Variants in SPAG16 observed in about 807,000 individuals in gnomAD.
SPAG16 encodes the protein sperm associated antigen 16, also known as sperm-associated antigen 16 protein.
In SPAG16, 86 loss-of-function variants were observed where a neutral mutation model predicts 80.4. The ratio of observed to expected loss-of-function variants is 1.07; its 90% CI spans 0.90 to 1.28. The LOEUF is 1.28. SPAG16 is among the 50% of genes most tolerant of loss of function. The pLI is 0.00. For synonymous variants in SPAG16, 294 were observed against 265.9 expected (o/e 1.11, Z -1.03); for missense variants, 870 against 765.3 (o/e 1.14, Z -1.61).
At chr2:213,668,224 C>A (rs1414718632) in intron 10 of SPAG16, among the ~76,000 whole-genome samples, 11 of 151,762 alleles carry the variant, frequency 7.2e-5, no homozygotes, top group Admixed American at 7.2e-4. Context: ...CAGGCATGAG[C>A]TATCATGCCT....
chr2:213,449,996 CTT>C (rs1559144718), intron 9 of SPAG16, among the ~76,000 whole-genome samples: 1 of 152,044 alleles, frequency 6.6e-6, no homozygotes, highest in African/African-American at 2.4e-5. Flanking sequence ...CATACTTAGT[CTT>C]TTTATGATTA....
intron 9 of SPAG16, among the ~76,000 whole-genome samples, chr2:213,460,944 C>A (rs2072323394): frequency 6.6e-6 from 1 of 152,086 alleles, no homozygotes; most frequent in Non-Finnish European, 1.5e-5. Context: ...CATGAATATA[C>A]ATATTTATAC....
At position 214,250,608 on chromosome 2, in the gene SPAG16, T is replaced by C. The variant is rs952161423; in HGVS notation, c.1720+101342T>C. 3.4e-5 allele frequency among the ~76,000 whole-genome samples: 5 copies of C among 147,556 alleles called. No individual in the cohort carries two copies. The East Asian group carries it at 9.8e-4, about 29-fold the overall frequency. On this transcript the variant is annotated intron_variant, in intron 15 of 15. Coordinates refer to ENST00000331683, the MANE Select transcript of SPAG16 (RefSeq NM_024532.5). ...TTTAAATTTGCAATATAAAGTAAAA[T>C]TAAAGCTCCTTTAGAAAAATATATA... is the stretch of plus-strand genomic sequence containing the variant.
chr2:214,290,550 T>C (rs772113773), intron 15 of SPAG16, among the ~76,000 whole-genome samples: 9 of 152,164 alleles, frequency 5.9e-5, no homozygotes, highest in South Asian at 2.1e-4. Context: ...TTTTGCTGTC[T>C]CCCACAAGTT....
chr2:213,961,407 TC>T (rs747994363), intron 12 of SPAG16, among the ~76,000 whole-genome samples: 5 of 152,182 alleles, frequency 3.3e-5, no homozygotes, highest in Non-Finnish European at 5.9e-5. Context: ...TTGATCGTTT[TC>T]CCCAGCTAAA....
chr2:213,574,670 T>TATATATGATATATGATATATATATGATAG (rs2060054995), intron 10 of SPAG16, among the ~76,000 whole-genome samples: 1 of 148,304 alleles, frequency 6.7e-6, no homozygotes, highest in African/African-American at 2.5e-5. Flanking sequence ...ATATATGATA[T>TATATATGATATATGATATATATATGATAG]ATATATGATA....
At chr2:214,053,596 T>C (rs2049776151) in intron 13 of SPAG16, among the ~76,000 whole-genome samples, 1 of 152,148 alleles carries the variant, frequency 6.6e-6, no homozygotes, top group South Asian at 2.1e-4. Flanking sequence ...AATTCATACC[T>C]AGAAAAATGG....
intron 11 of SPAG16, among the ~76,000 whole-genome samples, chr2:213,870,831 T>C (rs2075916513): frequency 6.6e-6 from 1 of 152,136 alleles, no homozygotes; most frequent in South Asian, 2.1e-4. Flanking sequence ...AAATAATTTT[T>C]AAAAAACCCA....
At chr2:213,479,563 C>T (rs552440071) in intron 9 of SPAG16, among the ~76,000 whole-genome samples, 4 of 152,014 alleles carry the variant, frequency 2.6e-5, no homozygotes, top group African/African-American at 9.6e-5. Flanking sequence ...TCAACGAAAA[C>T]CCCAAATATA....
At chr2:214,256,785 A>G (rs1002744225) in intron 15 of SPAG16, among the ~76,000 whole-genome samples, 3 of 151,742 alleles carry the variant, frequency 2.0e-5, no homozygotes, top group African/African-American at 7.3e-5. Context: ...TCTATTGTCA[A>G]TTTTTATGCC....
At chr2:214,277,908 C>T (rs546572719) in intron 15 of SPAG16, among the ~76,000 whole-genome samples, 1 of 152,296 alleles carries the variant, frequency 6.6e-6, no homozygotes, top group East Asian at 1.9e-4. Context: ...ATGCCCTGCC[C>T]CTAGAGGTGG....
chr2:214,085,184 G>C (rs531096690), intron 13 of SPAG16, among the ~76,000 whole-genome samples: 1 of 152,220 alleles, frequency 6.6e-6, no homozygotes, highest in East Asian at 1.9e-4. Flanking sequence ...AAAAGCAAAA[G>C]AAAGTAGGAC....
intron 8 of SPAG16, among the ~76,000 whole-genome samples, chr2:213,373,003 T>C (rs2066716907): frequency 6.6e-6 from 1 of 152,118 alleles, no homozygotes; most frequent in Non-Finnish European, 1.5e-5. Context: ...AATGAAAGTG[T>C]GTTTGTTTAT....
chr2:213,457,002 G>A (rs1404134513), intron 9 of SPAG16, among the ~76,000 whole-genome samples: 1 of 149,428 alleles, frequency 6.7e-6, no homozygotes, highest in Non-Finnish European at 1.5e-5. Flanking sequence ...TTTTTTAAAT[G>A]TTGTGTAGGA....
At chr2:214,162,122 T>C (rs1408875755) in intron 15 of SPAG16, among the ~76,000 whole-genome samples, 1 of 152,124 alleles carries the variant, frequency 6.6e-6, no homozygotes, top group Non-Finnish European at 1.5e-5. Flanking sequence ...GAAGCATTTG[T>C]TTCTCGTTCC....
At chr2:213,728,299 C>T (rs2066866104) in intron 10 of SPAG16, among the ~76,000 whole-genome samples, 1 of 152,154 alleles carries the variant, frequency 6.6e-6, no homozygotes, top group Non-Finnish European at 1.5e-5. Flanking sequence ...TCCTTAGAGT[C>T]TCAGCCCCCA....
At chr2:214,178,633 A>G (rs2057209062) in intron 15 of SPAG16, among the ~76,000 whole-genome samples, 1 of 151,368 alleles carries the variant, frequency 6.6e-6, no homozygotes, top group African/African-American at 2.4e-5. Context: ...ATGCAGGAAA[A>G]TATGTCGATA....
intron 11 of SPAG16, among the ~76,000 whole-genome samples, chr2:213,873,892 C>T (rs1478343330): frequency 2.0e-5 from 3 of 151,998 alleles, no homozygotes; most frequent in African/African-American, 7.3e-5. Context: ...GATGGTATAG[C>T]CTACTGCTCT....
At chr2:213,697,921 G>C (rs971039782) in intron 10 of SPAG16, among the ~76,000 whole-genome samples, 4 of 152,210 alleles carry the variant, frequency 2.6e-5, no homozygotes. Flanking sequence ...TAACAACTAA[G>C]GCTTGTTATT....
Sources: gnomAD v4.1 joint callset for allele counts (sites outside exome capture counted in the v4.1 genomes callset) on GRCh38, gnomAD v4.1.1 for gene constraint, MANE v1.5 for transcripts, NCBI Gene and HGNC (gene_info 2026-07-23, HGNC 2026-07-21) for gene names.